MKNK1: variants seen among roughly 807,000 people sequenced by gnomAD.
MKNK1 encodes the protein MAP kinase-interacting serine/threonine-protein kinase 1.
In MKNK1, 30 loss-of-function variants were observed where a neutral mutation model predicts 49.3. That is an observed-to-expected ratio of 0.61 (90% confidence interval 0.46 to 0.83). The LOEUF (loss-of-function observed/expected upper bound fraction) is 0.83. Among genes scored for constraint, MKNK1 ranks in the 40% least tolerant of loss-of-function variants. MKNK1 has a pLI of 0.00. For missense variants in MKNK1, 423 were observed against 524.7 expected, an observed-to-expected ratio of 0.81 and a Z score of 1.89; for synonymous variants, 176 against 201.7, an observed-to-expected ratio of 0.87 and a Z score of 1.08.
chr1:46,561,776 G>A (rs1668024489), intron 10 of MKNK1, 134 bp from the exon 11 acceptor site: 3 of 971,284 alleles, frequency 3.1e-6, no homozygotes, highest in South Asian at 1.6e-5. Flanking sequence ...CCACAGACTG[G>A]GGCCTCTTCC....
intron 1 of MKNK1, 80 bp from the exon 2 acceptor site, chr1:46,594,360 C>T (rs899615817): frequency 1.8e-5 from 11 of 613,612 alleles, no homozygotes; most frequent in East Asian, 2.9e-5. Flanking sequence ...TCAATCTGAA[C>T]GTGCCCCAAA....
chr1:46,573,153 C>A (rs1670451801), intron 6 of MKNK1, among the ~76,000 whole-genome samples: 1 of 152,156 alleles, frequency 6.6e-6, no homozygotes, highest in Non-Finnish European at 1.5e-5. Flanking sequence ...GCAACTTGCC[C>A]AAGATTACGC....
rs1409739992 is a variant in MKNK1 at position 46,589,751 on chromosome 1, C to G, written c.-3+4362G>C. Among the ~76,000 whole-genome samples the G allele has an allele frequency of 6.6e-6, 1 of 152,152 alleles. No individual in the cohort carries two copies. Among genetic ancestry groups the G allele is most frequent in the East Asian group, 1.9e-4 (1 of 5,188 alleles). On this transcript the variant is annotated intron_variant, in intron 2 of 12. Transcript: ENST00000371945. This position sits in a 1 kb window ranked among gnomAD's most constrained non-coding sequence, Gnocchi z 4.3. ...AGCACAGAGATTCCTGACATGCAAGCATCCATCCACCATTCTGCTCCAGAA... is the reference window on the plus strand; with the variant it reads ...AGCACAGAGATTCCTGACATGCAAGGATCCATCCACCATTCTGCTCCAGAA...
In MKNK1 at chr1:46,565,203, G is replaced by A. The variant is rs1668847378; in HGVS notation, c.514-67C>T. On this transcript the variant is annotated intron_variant, in intron 8 of 12. Transcript: ENST00000371945. ...CTACGGGGCAAGAGGAGCCAGGCAT[G>A]GCTGTACGGGTGCATGGCTCCGTGG... The A allele has an allele frequency of 7.7e-6, 11 of 1,429,170 alleles. No homozygotes were observed. The African/African-American group carries it at 1.3e-4, about 16-fold the overall frequency. 88.5% of individuals were successfully genotyped at this position (1,429,170 alleles called of 1,614,324 possible).
At chr1:46,583,194 G>A (rs1178135958) in intron 3 of MKNK1, 34 bp downstream of exon 3, 3 of 1,554,298 alleles carry the variant, frequency 1.9e-6, no homozygotes, top group Non-Finnish European at 1.8e-6. Context: ...TTGGGAAGCT[G>A]CAGGCCCAGA....
intron 7 of MKNK1, 62 bp from the exon 8 acceptor site, chr1:46,568,560 C>T (rs550248634): frequency 1.9e-5 from 28 of 1,482,312 alleles, no homozygotes; most frequent in Non-Finnish European, 2.5e-5. Flanking sequence ...ACATTCCACA[C>T]ACAATTAATT....
In MKNK1 at chr1:46,593,600, T is replaced by C. The variant is rs146060209; in HGVS notation, c.-3+513A>G. 5.3e-3 allele frequency: 819 copies of C among 153,144 alleles called. 7 individuals carry two copies. The highest frequency in any genetic ancestry group is 0.031 in the Admixed American group (476 of 15,342). The allele number at this position is 153,144 out of a possible 1,614,324, so 9.5% of individuals were successfully genotyped here. A position where few individuals can be genotyped will look rare whatever the true frequency, so the allele number is the denominator to read the frequency against. On this transcript the variant is annotated intron_variant, in intron 2 of 12. Transcript: ENST00000371945. ...CTGGCCAGGCGCAGTGGCTCATGCC[T>C]GTAATCCCAGCACTTTGAGAGGCCA...
At chr1:46,583,159 G>T in intron 3 of MKNK1, 69 bp downstream of exon 3, 1 of 1,237,868 alleles carries the variant, frequency 8.1e-7, no homozygotes, top group Non-Finnish European at 1.2e-6. Flanking sequence ...TCGGACCTGT[G>T]GCTCCCGGGA....
chr1:46,587,053 G>A (rs569257723), intron 2 of MKNK1, among the ~76,000 whole-genome samples: 6 of 152,322 alleles, frequency 3.9e-5, no homozygotes, highest in Non-Finnish European at 5.9e-5. Context: ...CAGGTGATCC[G>A]CCTGCCTTGG....
intron 1 of MKNK1, among the ~76,000 whole-genome samples, chr1:46,600,915 T>A (rs535732180): frequency 6.6e-6 from 1 of 151,942 alleles, no homozygotes; most frequent in Non-Finnish European, 1.5e-5. Context: ...TGATTCCTTG[T>A]GTAATCTTTT....
intron 6 of MKNK1, among the ~76,000 whole-genome samples, chr1:46,572,551 T>C (rs1367648423): frequency 6.6e-6 from 1 of 151,960 alleles, no homozygotes; most frequent in Non-Finnish European, 1.5e-5. Flanking sequence ...TTTCCCAAGT[T>C]TGGAAAACTT....
At chr1:46,601,470 T>C (rs1472532155) in intron 1 of MKNK1, among the ~76,000 whole-genome samples, 2 of 152,224 alleles carry the variant, frequency 1.3e-5, no homozygotes, top group Non-Finnish European at 2.9e-5. Context: ...ACCTGTGAGC[T>C]TTCCCCTGTT....
At chr1:46,568,379 TG>T in intron 8 of MKNK1, 63 bp downstream of exon 8, 1 of 1,537,790 alleles carries the variant, frequency 6.5e-7, no homozygotes, top group Non-Finnish European at 9.0e-7. Flanking sequence ...CAATCCATCC[TG>T]AAAGCAAGGG....
At chr1:46,562,431 A>G (rs969003367) in intron 10 of MKNK1, among the ~76,000 whole-genome samples, 3 of 143,626 alleles carry the variant, frequency 2.1e-5, no homozygotes, top group Admixed American at 7.0e-5. Flanking sequence ...GAGTCAGTTC[A>G]GGCATGATCT....
chr1:46,565,506 G>A (rs1384189599), intron 8 of MKNK1: 9 of 241,880 alleles, frequency 3.7e-5, no homozygotes, highest in African/African-American at 2.0e-4. Flanking sequence ...CCATTCAGTG[G>A]AGTGTAAAGG....
chr1:46,565,364 T>A, intron 8 of MKNK1: 1 of 550,948 alleles, frequency 1.8e-6, no homozygotes, highest in Non-Finnish European at 3.3e-6. Context: ...ATGGGTGGAC[T>A]ATTTGGTGTC....
At chr1:46,561,094 C>CGG (rs2148543207) in intron 11 of MKNK1, among the ~76,000 whole-genome samples, 1 of 152,342 alleles carries the variant, frequency 6.6e-6, no homozygotes, top group African/African-American at 2.4e-5. Flanking sequence ...TGCCCCAACT[C>CGG]GGCCACACAA....
intron 2 of MKNK1, among the ~76,000 whole-genome samples, chr1:46,590,296 C>A (rs746577751): frequency 6.6e-6 from 1 of 152,036 alleles, no homozygotes; most frequent in Non-Finnish European, 1.5e-5. Flanking sequence ...GGAGACTGAC[C>A]CCAGAACATT....
Position 46,558,325 on chromosome 1 carries a change from T to A in MKNK1, c.*250A>T. ...GAGCCCAGTGAAGAGATGTTCCTGC[T>A]GCAGGCAATTATGCAAAGTGAGAAG... is the stretch of plus-strand genomic sequence containing the variant. On this transcript the variant is annotated 3_prime_UTR_variant, in exon 13 of 13. Coordinates refer to ENST00000371945, the MANE Select transcript of MKNK1 (RefSeq NM_001135553.4). 2.0e-6 allele frequency: 1 copy of A among 505,280 alleles called. No individual in the cohort carries two copies. Among genetic ancestry groups the A allele is most frequent in the South Asian group, 3.2e-5 (1 of 30,818 alleles). The allele number at this position is 505,280 out of a possible 1,614,324, so 31.3% of individuals were successfully genotyped here.
Sources: gnomAD v4.1 joint callset for allele counts (sites outside exome capture counted in the v4.1 genomes callset) on GRCh38, gnomAD v4.1.1 for gene constraint, Gnocchi (gnomAD v3.1) non-coding constraint, MANE v1.5 for transcripts, NCBI Gene and HGNC (gene_info 2026-07-23, HGNC 2026-07-21) for gene names.